Variants in FERMT2 observed in about 807,000 individuals in gnomAD.
FERMT2 encodes the protein fermitin family homolog 2.
FERMT2 carries 15 observed loss-of-function variants against 82.7 expected under a neutral mutation model. The observed-to-expected ratio is 0.18, with a 90% CI of 0.12 to 0.28. FERMT2 has a LOEUF of 0.28. FERMT2 is among the 10% of genes least tolerant of loss of function. The pLI, the probability that FERMT2 is intolerant of heterozygous loss-of-function variation, is 1.00. For missense variants in FERMT2, 645 were observed against 809.4 expected (o/e 0.80, Z 2.46); for synonymous variants, 274 against 271.5 (o/e 1.01, Z -0.09).
At chr14:52,897,976 C>CAA (rs71125145) in intron 3 of FERMT2, among the ~76,000 whole-genome samples, 19,475 of 92,910 alleles carry the variant, frequency 0.21, 2,894 homozygotes, top group East Asian at 0.43. Context: ...AACTCCGTCT[C>CAA]AAAAAAAAAA....
intron 2 of FERMT2, among the ~76,000 whole-genome samples, chr14:52,943,882 C>T (rs941747914): frequency 1.1e-4 from 17 of 152,090 alleles, no homozygotes; most frequent in South Asian, 2.1e-4. Flanking sequence ...TCTTCAATAG[C>T]GAGCGATTAG....
At chr14:52,858,609 C>A in intron 14 of FERMT2, 59 bp from the exon 15 acceptor site, 1 of 1,496,236 alleles carries the variant, frequency 6.7e-7, no homozygotes, top group Non-Finnish European at 9.2e-7. Context: ...TGGGTCCACA[C>A]AAAACTACTG....
chr14:52,935,181 T>A (rs1889778690), intron 2 of FERMT2, among the ~76,000 whole-genome samples: 1 of 152,202 alleles, frequency 6.6e-6, no homozygotes, highest in Non-Finnish European at 1.5e-5. Context: ...AAATGTCTGA[T>A]GTCATATTAA....
chr14:52,863,259 C>A (rs1345869265), intron 12 of FERMT2: 1 of 151,830 alleles, frequency 6.6e-6, no homozygotes. Context: ...AAATTCTGAA[C>A]ATTTAGGTAG....
chr14:52,881,700 G>C, intron 4 of FERMT2: 1 of 1,160,110 alleles, frequency 8.6e-7, no homozygotes, highest in Non-Finnish European at 1.2e-6. Flanking sequence ...CAGAAATTCT[G>C]GGGAAAAAAA....
At chr14:52,898,679 A>G (rs1365992828) in intron 3 of FERMT2, among the ~76,000 whole-genome samples, 1 of 152,212 alleles carries the variant, frequency 6.6e-6, no homozygotes, top group Non-Finnish European at 1.5e-5. Flanking sequence ...AAGCCTCTGA[A>G]TAAGCAGTTG....
chr14:52,928,789 C>T (rs563684086), intron 2 of FERMT2, among the ~76,000 whole-genome samples: 5 of 152,272 alleles, frequency 3.3e-5, no homozygotes, highest in Non-Finnish European at 5.9e-5. Context: ...TTCACCTTCA[C>T]GCCAACCCAT....
At chr14:52,942,979 G>A (rs1335424897) in intron 2 of FERMT2, among the ~76,000 whole-genome samples, 1 of 152,250 alleles carries the variant, frequency 6.6e-6, no homozygotes, top group East Asian at 1.9e-4. Context: ...TTGGGAGGCC[G>A]AGGTGGGCGG....
intron 6 of FERMT2, among the ~76,000 whole-genome samples, chr14:52,880,659 A>G (rs1213243596): frequency 6.6e-6 from 1 of 152,156 alleles, no homozygotes; most frequent in African/African-American, 2.4e-5. Context: ...GGGTTCTCAA[A>G]GTGCTGAGAT....
At chr14:52,914,572 G>A (rs777710971) in intron 3 of FERMT2, among the ~76,000 whole-genome samples, 2 of 152,114 alleles carry the variant, frequency 1.3e-5, no homozygotes, top group Non-Finnish European at 2.9e-5. Flanking sequence ...ATAAAAATGG[G>A]AAAGGAAGAG....
chr14:52,949,413 C>A (rs1381023669), intron 2 of FERMT2, among the ~76,000 whole-genome samples: 7 of 143,488 alleles, frequency 4.9e-5, no homozygotes, highest in East Asian at 4.1e-4. Context: ...ACGAAAAAAA[C>A]CCCCAGAAAG....
intron 2 of FERMT2, among the ~76,000 whole-genome samples, chr14:52,941,657 A>T (rs1349048904): frequency 6.6e-6 from 1 of 152,222 alleles, no homozygotes; most frequent in Non-Finnish European, 1.5e-5. Context: ...GTTCCATGGC[A>T]TAAGCATTAA....
intron 2 of FERMT2, chr14:52,948,639 T>C (rs979377652): frequency 4.5e-6 from 2 of 449,238 alleles, no homozygotes; most frequent in Non-Finnish European, 8.9e-6. Flanking sequence ...GTCATTTAAA[T>C]TAACATCATT....
At chr14:52,929,884 G>A (rs1595009775) in intron 2 of FERMT2, among the ~76,000 whole-genome samples, 1 of 152,130 alleles carries the variant, frequency 6.6e-6, no homozygotes, top group African/African-American at 2.4e-5. Context: ...AGAAGACAAA[G>A]GCAATGTCTA....
intron 2 of FERMT2, among the ~76,000 whole-genome samples, chr14:52,933,590 A>G (rs1474974185): frequency 6.6e-6 from 1 of 151,628 alleles, no homozygotes; most frequent in East Asian, 1.9e-4. Flanking sequence ...CATGCCTGTA[A>G]TCCCAGCTAC....
intron 2 of FERMT2, among the ~76,000 whole-genome samples, chr14:52,921,408 T>A (rs1888949842): frequency 6.6e-6 from 1 of 152,268 alleles, no homozygotes; most frequent in Admixed American, 6.5e-5. Context: ...GGCAAAAGAA[T>A]GCATGTAACT....
chr14:52,949,129 G>C (rs893069692), intron 2 of FERMT2, among the ~76,000 whole-genome samples: 1 of 152,066 alleles, frequency 6.6e-6, no homozygotes, highest in African/African-American at 2.4e-5. Flanking sequence ...GTATCTCAGG[G>C]AGCCAAACAA....
intron 7 of FERMT2, among the ~76,000 whole-genome samples, chr14:52,876,195 TA>T (rs1357277414): frequency 6.6e-6 from 1 of 152,252 alleles, no homozygotes; most frequent in African/African-American, 2.4e-5. Flanking sequence ...TTTAGTGAAC[TA>T]ATCTGAGGCC....
chr14:52,884,960 C>T (rs569984873), intron 4 of FERMT2, among the ~76,000 whole-genome samples: 2 of 151,952 alleles, frequency 1.3e-5, no homozygotes, highest in East Asian at 3.9e-4. Context: ...AGAGATTGTG[C>T]CACTGCAGTC....
Sources: allele counts gnomAD v4.1 joint callset (sites outside exome capture counted in the v4.1 genomes callset), GRCh38; gene constraint gnomAD v4.1.1; transcripts MANE v1.5; gene names NCBI Gene and HGNC (gene_info 2026-07-23, HGNC 2026-07-21).